The following IARS2 variants were observed in gnomAD, a reference collection of about 807,000 sequenced individuals.
IARS2 encodes isoleucine--tRNA ligase, mitochondrial.
A neutral mutation model predicts 126.3 loss-of-function variants in IARS2; 56 were observed. That is an observed-to-expected ratio of 0.44 (90% CI 0.36 to 0.55). The LOEUF (loss-of-function observed/expected upper bound fraction) is 0.55. IARS2 is among the 20% of genes least tolerant of loss of function. The probability of loss-of-function intolerance (pLI) is 0.00; values close to 1 mark genes in which losing one functional copy is unlikely to be tolerated. For missense variants in IARS2, 1,127 were observed against 1,245.9 expected, an observed-to-expected ratio of 0.90 and a Z score of 1.44; for synonymous variants, 407 against 441.1, an observed-to-expected ratio of 0.92 and a Z score of 0.97.
intron 2 of IARS2, among the ~76,000 whole-genome samples, chr1:220,097,501 C>T (rs1349410031): frequency 1.3e-5 from 2 of 151,372 alleles, no homozygotes; most frequent in Non-Finnish European, 2.9e-5. Context: ...GTAGATGGGA[C>T]TACAGGCGCC....
At chr1:220,127,164 G>C (rs1001051140) in intron 14 of IARS2, among the ~76,000 whole-genome samples, 16 of 152,138 alleles carry the variant, frequency 1.1e-4, no homozygotes, top group African/African-American at 3.9e-4. Flanking sequence ...AACAAAGTTT[G>C]GAAGTCACTG....
At chr1:220,134,314 A>C in intron 14 of IARS2, 88 bp from the exon 15 acceptor site, 1 of 885,910 alleles carries the variant, frequency 1.1e-6, no homozygotes, top group Middle Eastern at 3.2e-4. Flanking sequence ...CTTCCTCCCC[A>C]CTAATTGTTA....
At chr1:220,137,809 A>C (rs1037005799) in intron 16 of IARS2, 109 bp from the exon 17 acceptor site, 18 of 1,186,322 alleles carry the variant, frequency 1.5e-5, no homozygotes, top group Non-Finnish European at 2.1e-5. Context: ...TATAGTTTGT[A>C]CTTACATTGT....
At chr1:220,120,379 G>T (rs1467529503) in intron 12 of IARS2, among the ~76,000 whole-genome samples, 1 of 146,806 alleles carries the variant, frequency 6.8e-6, no homozygotes, top group East Asian at 2.1e-4. Context: ...ACCGCGCCCG[G>T]CCTTTTTTTT....
intron 12 of IARS2, among the ~76,000 whole-genome samples, chr1:220,119,442 C>T (rs913521783): frequency 1.3e-5 from 2 of 151,828 alleles, no homozygotes; most frequent in African/African-American, 4.8e-5. Context: ...GTTAAGTATA[C>T]AATGTTAAAG....
intron 14 of IARS2, among the ~76,000 whole-genome samples, chr1:220,134,034 G>A (rs1657319440): frequency 1.3e-5 from 2 of 151,814 alleles, no homozygotes; most frequent in Non-Finnish European, 1.5e-5. Context: ...TGTCTTTCAT[G>A]ACATTTCATG....
rs1220974357 is a variant in IARS2, at chr1:220,125,324, A to G, written c.1728A>G (p.Lys576=). The change falls in exon 13 of 23, where the codon AAA becomes AAG. Residue 576 remains lysine, a synonymous_variant. Transcript: ENST00000366922. ...WTLPPEQLLP[K]EVLSEVGGPD... ...TTCCCCCTGAACAACTTCTTCCAAA[A>G]GAAGTCTTATCTGAGGTAAATTTCT... The G allele has an allele frequency of 1.2e-6, 2 of 1,610,926 alleles. No individual in the cohort carries two copies. Among genetic ancestry groups the G allele is most frequent in the Non-Finnish European group, 8.5e-7 (1 of 1,177,158 alleles).
intron 12 of IARS2, chr1:220,118,141 T>C (rs756233778): frequency 2.0e-5 from 10 of 491,310 alleles, no homozygotes; most frequent in Admixed American, 1.9e-4. Flanking sequence ...TTATTATACC[T>C]TTATATTGTA....
rs751587007 is a variant in IARS2 at position 220,102,271 on chromosome 1, T to C, written c.693T>C (p.Tyr231=). 4 of 1,607,074 alleles carry C rather than the reference T, an allele frequency of 2.5e-6. No homozygotes were observed. The South Asian group carries it at 3.4e-5, about 14-fold the overall frequency. The change falls in exon 4 of 23, where the codon TAT becomes TAC. Residue 231 remains tyrosine (Y), a synonymous_variant. Transcript: ENST00000366922. ...AKQLRTFYQM[Y]DKGLVYRSYK... is the part of the protein sequence containing the mutation. Reference sequence around the variant, plus strand: ...AGTTGAGAACTTTTTACCAAATGTATGATAAGGTAAAGAAGTATTTTTTCT... The same window carrying C: ...AGTTGAGAACTTTTTACCAAATGTACGATAAGGTAAAGAAGTATTTTTTCT...
Position 220,147,599 on chromosome 1 carries a change from G to A in IARS2, c.3003G>A (p.Leu1001=). 6 of 1,614,146 alleles carry A rather than the reference G, an allele frequency of 3.7e-6. No individual in the cohort carries two copies. Among genetic ancestry groups the A allele is most frequent in the Non-Finnish European group, 5.1e-6 (6 of 1,180,012 alleles). Residue 1001 remains leucine (L), a synonymous_variant, in exon 23 of 23, where the codon CTG becomes CTA. Transcript: ENST00000366922. Reference sequence around the variant, plus strand: ...ATACAGCGGAGTCTTCAGATACACTGTGTCCTCGATGTGCAGAAGTTGTCA... The same window carrying A: ...ATACAGCGGAGTCTTCAGATACACTATGTCCTCGATGTGCAGAAGTTGTCA... The part of the protein sequence containing the change: ...WKYTAESSDT[L]CPRCAEVVSG...
Position 220,134,395 on chromosome 1 carries a change from T to C in IARS2, c.1838-7T>C, listed in dbSNP as rs774569200. The stretch of plus-strand genomic sequence containing the variant: ...GGTTTTTTTTTCTTTTAATACTTAA[T>C]TTTGAGGTCCTGACCAAAGAGCAGA... On this transcript the variant is annotated splice_polypyrimidine_tract_variant and splice_region_variant and intron_variant, in intron 14 of 22. Transcript: ENST00000366922. 1 of 1,566,744 alleles carries C rather than the reference T, an allele frequency of 6.4e-7. No individual in the cohort carries two copies. Among genetic ancestry groups the C allele is most frequent in the Admixed American group, 2.1e-5 (1 of 48,412 alleles).
intron 2 of IARS2, 146 bp from the exon 3 acceptor site, chr1:220,100,344 A>T: frequency 1.6e-6 from 1 of 626,202 alleles, no homozygotes. Flanking sequence ...AGTTTTAAAA[A>T]TGGTATTAAG....
intron 3 of IARS2, 87 bp from the exon 4 acceptor site, chr1:220,102,042 T>G: frequency 1.6e-6 from 2 of 1,281,716 alleles, no homozygotes; most frequent in Non-Finnish European, 2.2e-6. Flanking sequence ...GTCTGTAGCA[T>G]TTGCATTTAG....
At position 220,105,879 on chromosome 1, in the gene IARS2, C is replaced by CT. The variant is rs1427120360; in HGVS notation, c.1067-9dup. 16 of 1,612,058 alleles carry CT rather than the reference C, an allele frequency of 9.9e-6. No individual in the cohort carries two copies. The highest frequency in any genetic ancestry group is 1.3e-5 in the Non-Finnish European group (15 of 1,178,354). On this transcript the variant is annotated splice_polypyrimidine_tract_variant and intron_variant, in intron 8 of 22. Coordinates refer to ENST00000366922, the MANE Select transcript of IARS2 (RefSeq NM_018060.4). The stretch of plus-strand genomic sequence containing the variant: ...TAAAATGATTCTTAATAGTGGTTTT[C>CT]TTTCCCCACAGGTGTAGATTTGGAA...
At chr1:220,130,704 C>A (rs1401644876) in intron 14 of IARS2, among the ~76,000 whole-genome samples, 2 of 152,066 alleles carry the variant, frequency 1.3e-5, no homozygotes, top group Admixed American at 1.3e-4. Flanking sequence ...ACTACAGGCA[C>A]CTGCCACCAC....
chr1:220,110,720 A>T, intron 10 of IARS2, 66 bp from the exon 11 acceptor site: 1 of 1,258,556 alleles, frequency 7.9e-7, no homozygotes, highest in Non-Finnish European at 1.1e-6. Flanking sequence ...CTGGAAGTTT[A>T]GAGCATTTTT....
At chr1:220,118,096 T>C in intron 12 of IARS2, 1 of 448,562 alleles carries the variant, frequency 2.2e-6, no homozygotes, top group South Asian at 1.7e-5. Context: ...TGGAATCAAA[T>C]GAGAGTCCAA....
intron 12 of IARS2, among the ~76,000 whole-genome samples, chr1:220,120,449 A>C (rs1026858962): frequency 2.0e-5 from 3 of 150,858 alleles, no homozygotes; most frequent in Non-Finnish European, 4.4e-5. Flanking sequence ...ATCTCGGCTC[A>C]CTGCATCTTC....
intron 3 of IARS2, among the ~76,000 whole-genome samples, chr1:220,101,528 C>G (rs992180038): frequency 2.6e-5 from 4 of 151,698 alleles, no homozygotes; most frequent in Admixed American, 2.6e-4. Flanking sequence ...GGCAAAACCC[C>G]GTATCTACTA....
Sources: gnomAD v4.1 joint callset for allele counts (sites outside exome capture counted in the v4.1 genomes callset) on GRCh38, gnomAD v4.1.1 for gene constraint, MANE v1.5 for transcripts, NCBI Gene and HGNC (gene_info 2026-07-23, HGNC 2026-07-21) for gene names.